Variants in CHD8 observed in about 807,000 individuals in gnomAD.
CHD8 encodes the protein chromodomain helicase DNA binding protein 8.
CHD8 carries 31 observed loss-of-function variants against 279.2 expected under a neutral mutation model. The ratio of observed to expected loss-of-function variants is 0.11; its 90% CI spans 0.08 to 0.15. The LOEUF (loss-of-function observed/expected upper bound fraction) is 0.15. Ranked by LOEUF, CHD8 falls within the 10% of genes least tolerant of loss-of-function variation. The pLI is 1.00. For synonymous variants in CHD8, 1,081 were observed against 1,139.6 expected (o/e 0.95, Z 1.04); for missense variants, 2,146 against 3,230.5 (o/e 0.66, Z 8.14).
intron 1 of CHD8, among the ~76,000 whole-genome samples, chr14:21,453,867 G>GT (rs2139578810): frequency 6.6e-6 from 1 of 151,854 alleles, no homozygotes; most frequent in South Asian, 2.1e-4. Flanking sequence ...ATCTTAAGTG[G>GT]TAATTTTGCT....
chr14:21,414,144 G>A, intron 9 of CHD8, 157 bp downstream of exon 9: 1 of 591,172 alleles, frequency 1.7e-6, no homozygotes, highest in East Asian at 2.8e-5. Context: ...AACAATGCAA[G>A]GGCAGTTAAG....
At chr14:21,452,514 A>G (rs1465641828) in intron 1 of CHD8, among the ~76,000 whole-genome samples, 1 of 151,430 alleles carries the variant, frequency 6.6e-6, no homozygotes, top group East Asian at 2.0e-4. Flanking sequence ...GCGTGGTGGC[A>G]CACGCCTTAA....
intron 5 of CHD8, among the ~76,000 whole-genome samples, chr14:21,423,544 CA>C (rs1889151720): frequency 6.6e-6 from 1 of 151,590 alleles, no homozygotes; most frequent in African/African-American, 2.4e-5. Context: ...CGGGGGGAGT[CA>C]GGGGGTGCAG....
Position 21,397,872 on chromosome 14 carries a change from T to C in CHD8, c.5002A>G (p.Ile1668Val). The C allele has an allele frequency of 1.2e-6, 2 of 1,613,472 alleles. No individual in the cohort carries two copies. The highest frequency in any genetic ancestry group is 1.3e-5 in the African/African-American group (1 of 75,060). Residue 1668 changes from isoleucine to valine, a missense_variant, in exon 27 of 38, where the codon ATT (isoleucine) becomes GTT (valine). Around this residue, in one of 26 missense-constraint regions of CHD8, gnomAD observed 75 missense variants for 81.3 expected, o/e 0.92. Transcript: ENST00000646647. Reference protein sequence around the residue: ...EKAGRPDDKAIAAEHRVLDNF... With the variant: ...EKAGRPDDKAVAAEHRVLDNF... ...TCCAACACTCGATGTTCTGCTGCAA[T>C]TGCTTTGTCATCTGGTCGGCCAGCC...
chr14:21,441,094 G>C (rs770277272), intron 1 of CHD8, among the ~76,000 whole-genome samples: 9 of 152,132 alleles, frequency 5.9e-5, no homozygotes, highest in Non-Finnish European at 1.3e-4. Context: ...TAGTTTAAGT[G>C]GATACTCCTG....
intron 21 of CHD8, 61 bp downstream of exon 21, chr14:21,401,342 A>T (rs1438336874): frequency 1.0e-6 from 1 of 1,003,330 alleles, no homozygotes; most frequent in African/African-American, 1.6e-5. Context: ...GAGTAGCTGT[A>T]AAGACTCCCG....
At chr14:21,454,357 G>A (rs867601360) in intron 1 of CHD8, among the ~76,000 whole-genome samples, 69 of 151,916 alleles carry the variant, frequency 4.5e-4, no homozygotes, top group Middle Eastern at 3.2e-3. Flanking sequence ...TGGCTGTGTC[G>A]CCCAGGCCGG....
At chr14:21,417,541 C>T (rs2139503803) in intron 5 of CHD8, among the ~76,000 whole-genome samples, 1 of 152,180 alleles carries the variant, frequency 6.6e-6, no homozygotes, top group East Asian at 1.9e-4. Flanking sequence ...CACAGTGAGA[C>T]CCTGTCTCTA....
At chr14:21,441,371 T>C (rs563863566) in intron 1 of CHD8, among the ~76,000 whole-genome samples, 95 of 152,060 alleles carry the variant, frequency 6.2e-4, no homozygotes, top group South Asian at 3.7e-3. Flanking sequence ...CAAAAGATGA[T>C]TCCTGTTGTT....
chr14:21,401,590 AC>A (rs1314850124), intron 20 of CHD8, 77 bp from the exon 21 acceptor site: 1 of 964,746 alleles, frequency 1.0e-6, no homozygotes, highest in African/African-American at 1.7e-5. Flanking sequence ...TGTTTTAAAA[AC>A]ATTTTTTTTT....
At chr14:21,436,937 A>G (rs1456604167) in intron 1 of CHD8, 5 of 1,288,444 alleles carry the variant, frequency 3.9e-6, no homozygotes, top group Non-Finnish European at 3.0e-6. Flanking sequence ...AGTAAGGTCC[A>G]TACAGCAGAG....
At chr14:21,391,414 A>G (rs748068968) in intron 36 of CHD8, 49 bp downstream of exon 36, 1 of 1,561,422 alleles carries the variant, frequency 6.4e-7, no homozygotes, top group Non-Finnish European at 8.8e-7. Flanking sequence ...ATGCAGCTTA[A>G]ATACCAAAGG....
rs1452517724 is a variant in CHD8 at position 21,429,009 on chromosome 14, T to C, written c.1170A>G (p.Pro390=). The change falls in exon 3 of 38, where the codon CCA becomes CCG. Residue 390 remains proline (P), a synonymous_variant. Transcript: ENST00000646647. ...TGACTGGTACTGAAAGTCTTTGTCC[T>C]GGGCTTTGTCCTGGTCCCATTATCT... is the stretch of plus-strand genomic sequence containing the variant. ...QAQIMGPGQS[P]GQRLSVPVKV... 5.0e-6 allele frequency: 8 copies of C among 1,613,864 alleles called. No individual in the cohort carries two copies. Among genetic ancestry groups the C allele is most frequent in the Non-Finnish European group, 5.1e-6 (6 of 1,179,862 alleles).
chr14:21,437,398 G>T, intron 1 of CHD8: 1 of 394,948 alleles, frequency 2.5e-6, no homozygotes, highest in Non-Finnish European at 3.7e-6. Context: ...TCCCCCGCAG[G>T]TTAGGTTGAG....
intron 1 of CHD8, chr14:21,437,051 C>T: frequency 7.0e-6 from 2 of 284,196 alleles, no homozygotes; most frequent in Admixed American, 1.2e-4. Context: ...ATGGCCAAGA[C>T]GGGAAGATGC....
chr14:21,411,735 T>G (rs1472428980), intron 10 of CHD8, among the ~76,000 whole-genome samples: 1 of 152,134 alleles, frequency 6.6e-6, no homozygotes, highest in African/African-American at 2.4e-5. Context: ...AAAGCTGAAT[T>G]CACTGGTGGC....
chr14:21,455,707 A>G (rs1890371734), intron 1 of CHD8, among the ~76,000 whole-genome samples: 1 of 145,860 alleles, frequency 6.9e-6, no homozygotes, highest in Non-Finnish European at 1.5e-5. Flanking sequence ...CTCTGAAGAG[A>G]GGAGAACAAG....
chr14:21,428,890 T>G (rs1244500272), intron 3 of CHD8, 74 bp downstream of exon 3: 1 of 1,379,796 alleles, frequency 7.2e-7, no homozygotes, highest in African/African-American at 1.4e-5. Context: ...CAAGAATAAG[T>G]GGTTGCTGAG....
chr14:21,400,625 A>G lies in CHD8; in HGVS notation c.4371-13T>C. ...CCATCGTCCCCAACTAAAAAACAGA[A>G]AACTATATTAACATTTTTCTGAGAA... On this transcript the variant is annotated splice_polypyrimidine_tract_variant and intron_variant, in intron 22 of 37. Coordinates refer to ENST00000646647, the MANE Select transcript of CHD8 (RefSeq NM_001170629.2). This position sits in a 1 kb window ranked among gnomAD's most constrained non-coding sequence, Gnocchi z 4.2. 1 of 1,556,242 alleles carries G rather than the reference A, an allele frequency of 6.4e-7. No individual in the cohort carries two copies. The highest frequency in any genetic ancestry group is 8.6e-7 in the Non-Finnish European group (1 of 1,158,784).
Sources: allele counts gnomAD v4.1 joint callset (sites outside exome capture counted in the v4.1 genomes callset), GRCh38; gene constraint gnomAD v4.1.1; regional missense constraint gnomAD v4.1.1; non-coding constraint Gnocchi (gnomAD v3.1); transcripts MANE v1.5; gene names NCBI Gene and HGNC (gene_info 2026-07-23, HGNC 2026-07-21).